The following PHF20 variants were observed in gnomAD, a reference collection of about 807,000 sequenced individuals.
The protein encoded by PHF20 is glioma-expressed antigen 2.
A neutral mutation model predicts 113.5 loss-of-function variants in PHF20; 23 were observed. The observed-to-expected ratio is 0.20, with a 90% CI of 0.15 to 0.29. The LOEUF (loss-of-function observed/expected upper bound fraction) is 0.29, where lower values mean the gene tolerates loss of function less well. Among genes scored for constraint, PHF20 ranks in the 10% least tolerant of loss-of-function variants. The pLI is 1.00. For missense variants in PHF20, 943 were observed against 1,219.6 expected (o/e 0.77, Z 3.38); for synonymous variants, 434 against 457.3 (o/e 0.95, Z 0.65).
chr20:35,832,192 A>C (rs1342357933), intron 2 of PHF20, among the ~76,000 whole-genome samples: 2 of 152,126 alleles, frequency 1.3e-5, no homozygotes, highest in Non-Finnish European at 2.9e-5. Context: ...CTCATCTTTC[A>C]GAATGGAGAT....
At chr20:35,827,650 G>A (rs2042284607) in intron 2 of PHF20, among the ~76,000 whole-genome samples, 1 of 152,038 alleles carries the variant, frequency 6.6e-6, no homozygotes, top group Non-Finnish European at 1.5e-5. Context: ...TGGGCGTGGT[G>A]GCGGGTGCCT....
At chr20:35,819,209 G>A (rs1341020957) in intron 2 of PHF20, among the ~76,000 whole-genome samples, 1 of 152,136 alleles carries the variant, frequency 6.6e-6, no homozygotes, top group Non-Finnish European at 1.5e-5. Flanking sequence ...GGGATTACAG[G>A]CGTGAACCAC....
Position 35,947,901 on chromosome 20 carries a change from A to G in PHF20, c.*274A>G, listed in dbSNP as rs996721166. ...TGAATGAAGAGAGTCTTTTTGCACA[A>G]ACTTCACTTGAAATTGTGCCACTGA... On this transcript the variant is annotated 3_prime_UTR_variant, in exon 18 of 18. Transcript: ENST00000374012. 9.5e-6 allele frequency: 3 copies of G among 314,260 alleles called. No individual in the cohort carries two copies. Among genetic ancestry groups the G allele is most frequent in the Non-Finnish European group, 1.8e-5 (3 of 169,378 alleles). The allele number at this position is 314,260 out of a possible 1,614,324, so 19.5% of individuals were successfully genotyped here.
intron 12 of PHF20, among the ~76,000 whole-genome samples, chr20:35,916,954 G>C (rs1430640344): frequency 1.3e-5 from 2 of 152,108 alleles, no homozygotes; most frequent in East Asian, 3.8e-4. Context: ...AGTGGAGATG[G>C]GGTTTTGCCA....
chr20:35,917,781 AG>A, intron 13 of PHF20, 119 bp downstream of exon 13: 1 of 790,210 alleles, frequency 1.3e-6, no homozygotes, highest in South Asian at 1.8e-5. Flanking sequence ...CACGAACGGC[AG>A]CAGACTGAGC....
In PHF20 at chr20:35,804,229, G is replaced by GTTT. The variant is rs1216930263; in HGVS notation, c.83+2644_83+2646dup. ...TGCCCACCTTGCCAAGCTACTGTAT[G>GTTT]TTTTTTTTTTTTTTTTTTTTTTGAG... On this transcript the variant is annotated intron_variant, in intron 2 of 17. Transcript: ENST00000374012. Among the ~76,000 whole-genome samples the GTTT allele has an allele frequency of 9.7e-3, 967 of 99,532 alleles. 17 individuals carry two copies. Among genetic ancestry groups the GTTT allele is most frequent in the Middle Eastern group, 0.019 (3 of 156 alleles). The allele number at this position is 99,532 out of a possible 152,430, so 65.3% of individuals were successfully genotyped here.
intron 2 of PHF20, among the ~76,000 whole-genome samples, chr20:35,816,786 A>AT: frequency 7.3e-6 from 1 of 136,210 alleles, no homozygotes; most frequent in African/African-American, 2.9e-5. Flanking sequence ...AAATTAAATG[A>AT]GTTTTTTTTT....
chr20:35,892,896 A>G (rs1278515830), intron 9 of PHF20, among the ~76,000 whole-genome samples: 2 of 152,216 alleles, frequency 1.3e-5, no homozygotes, highest in East Asian at 1.9e-4. Context: ...ATGGTTAAAG[A>G]TTTGTAATGC....
intron 10 of PHF20, among the ~76,000 whole-genome samples, chr20:35,904,889 G>A (rs1484412934): frequency 6.6e-6 from 1 of 151,140 alleles, no homozygotes; most frequent in Admixed American, 6.6e-5. Context: ...GCAATAGTGC[G>A]ATCTTGGCTC....
In PHF20 at chr20:35,910,356, G is replaced by A. The variant is rs114804272; in HGVS notation, c.1562-2893G>A. On this transcript the variant is annotated intron_variant, in intron 10 of 17. Transcript: ENST00000374012. ...TATATCAAAGTGGTCGTACAACATT[G>A]TGAATGTACTAAATGCAACTGAATT... Among the ~76,000 whole-genome samples the A allele has an allele frequency of 8.9e-3, 1,353 of 152,240 alleles. 23 individuals carry two copies. Among genetic ancestry groups the A allele is most frequent in the African/African-American group, 0.031 (1,295 of 41,522 alleles).
chr20:35,781,285 A>G (rs1315490063), intron 1 of PHF20, among the ~76,000 whole-genome samples: 1 of 151,810 alleles, frequency 6.6e-6, no homozygotes, highest in Non-Finnish European at 1.5e-5. Flanking sequence ...CTGGGATTAT[A>G]GGCCTGCACC....
At chr20:35,850,720 G>C in intron 4 of PHF20, 1 of 429,522 alleles carries the variant, frequency 2.3e-6, no homozygotes, top group African/African-American at 2.0e-5. Context: ...ACAGGGGATG[G>C]GTTCCATTCT....
intron 9 of PHF20, among the ~76,000 whole-genome samples, chr20:35,881,607 C>T (rs1203030768): frequency 1.3e-5 from 2 of 151,404 alleles, no homozygotes; most frequent in Non-Finnish European, 2.9e-5. Flanking sequence ...CATTCTTCTA[C>T]ATTACCACAG....
chr20:35,794,507 C>T (rs1007975237), intron 1 of PHF20, among the ~76,000 whole-genome samples: 1 of 151,958 alleles, frequency 6.6e-6, no homozygotes, highest in African/African-American at 2.4e-5. Context: ...CTGAAGTGTC[C>T]CTCAATTTAA....
chr20:35,868,064 C>G (rs1291939216), intron 6 of PHF20, among the ~76,000 whole-genome samples: 1 of 152,052 alleles, frequency 6.6e-6, no homozygotes, highest in Non-Finnish European at 1.5e-5. Flanking sequence ...GAGGTCAAGG[C>G]AGGCAGATCA....
chr20:35,926,565 T>C (rs1004543684), intron 13 of PHF20, among the ~76,000 whole-genome samples: 2 of 152,112 alleles, frequency 1.3e-5, no homozygotes, highest in Non-Finnish European at 2.9e-5. Context: ...TAATTGTTAG[T>C]CTGTTTTCTG....
intron 1 of PHF20, among the ~76,000 whole-genome samples, chr20:35,784,992 A>C (rs985708895): frequency 5.3e-5 from 8 of 151,868 alleles, no homozygotes; most frequent in African/African-American, 1.9e-4. Context: ...CAAAGGTTGC[A>C]GTGAGCCAGG....
intron 2 of PHF20, among the ~76,000 whole-genome samples, chr20:35,841,477 C>T (rs2042534383): frequency 6.6e-6 from 1 of 151,926 alleles, no homozygotes; most frequent in Non-Finnish European, 1.5e-5. Flanking sequence ...TTTTTAATAA[C>T]CGCGTAGTAT....
At position 35,947,864 on chromosome 20, in the gene PHF20, T is replaced by C. The variant is rs374233917; in HGVS notation, c.*237T>C. The C allele has an allele frequency of 2.3e-6, 1 of 432,472 alleles. No individual in the cohort carries two copies. Among genetic ancestry groups the C allele is most frequent in the Non-Finnish European group, 4.2e-6 (1 of 239,156 alleles). The allele number at this position is 432,472 out of a possible 1,614,324, so 26.8% of individuals were successfully genotyped here. A position where few individuals can be genotyped will look rare whatever the true frequency, so the allele number is the denominator to read the frequency against. The stretch of plus-strand genomic sequence containing the variant: ...ATAGACTCTTGGGATTCCCCTCTTC[T>C]GTGCACATCGTTGAATGAAGAGAGT... On this transcript the variant is annotated 3_prime_UTR_variant, in exon 18 of 18. Transcript: ENST00000374012.
Sources: gnomAD v4.1 joint callset for allele counts (sites outside exome capture counted in the v4.1 genomes callset) on GRCh38, gnomAD v4.1.1 for gene constraint, MANE v1.5 for transcripts, NCBI Gene and HGNC (gene_info 2026-07-23, HGNC 2026-07-21) for gene names.